CABIN1: variants seen among roughly 807,000 people sequenced by gnomAD.
CABIN1 encodes the protein calcineurin-binding protein cabin-1.
Under a neutral mutation model 227.7 loss-of-function variants are expected in CABIN1, and 133 were observed. That is an observed-to-expected ratio of 0.58 (90% CI 0.51 to 0.67). The LOEUF (loss-of-function observed/expected upper bound fraction) is 0.67. Ranked by LOEUF, CABIN1 falls within the 30% of genes least tolerant of loss-of-function variation. The pLI is 0.00. For missense variants in CABIN1, 2,408 were observed against 2,852.5 expected (o/e 0.84, Z 3.55); for synonymous variants, 1,086 against 1,155.1 (o/e 0.94, Z 1.21).
intron 24 of CABIN1, among the ~76,000 whole-genome samples, chr22:24,094,842 A>G (rs7511486): frequency 0.23 from 34,441 of 148,640 alleles, 5,096 homozygotes; most frequent in African/African-American, 0.4. Flanking sequence ...AAAAAAAAAA[A>G]AAAGAAACAA....
At position 24,156,287 on chromosome 22, in the gene CABIN1, C is replaced by T. The variant is rs575333634; in HGVS notation, c.4747-8113C>T. Among the ~76,000 whole-genome samples, 373 of 152,240 alleles carry T rather than the reference C, an allele frequency of 2.5e-3. 1 individual carries two copies. Among genetic ancestry groups the T allele is most frequent in the Non-Finnish European group, 3.8e-3 (260 of 67,994 alleles). On this transcript the variant is annotated intron_variant, in intron 29 of 36. Coordinates refer to ENST00000263119, the MANE Select transcript of CABIN1 (RefSeq NM_012295.4). ...CCGTGGGCTGTGGTTTCCCCGGCGC[C>T]CCCGCGGAGGAAATCGGCCGGCGGC...
At chr22:24,129,931 G>A (rs1251528209) in intron 28 of CABIN1, among the ~76,000 whole-genome samples, 1 of 152,222 alleles carries the variant, frequency 6.6e-6, no homozygotes, top group Non-Finnish European at 1.5e-5. Flanking sequence ...CCTGAGGCAG[G>A]TGCAGCCCAA....
At chr22:24,083,194 C>T (rs765981911) in intron 19 of CABIN1, 34 bp from the exon 20 acceptor site, 1 of 1,610,400 alleles carries the variant, frequency 6.2e-7, no homozygotes, top group Non-Finnish European at 8.5e-7. Flanking sequence ...GGCTACAGGC[C>T]CTCACCTCAG....
chr22:24,101,662 C>T (rs2042207805), intron 26 of CABIN1: 1 of 152,282 alleles, frequency 6.6e-6, no homozygotes, highest in Non-Finnish European at 1.5e-5. Context: ...CTAACTTCTG[C>T]CTTCCGTCAA....
chr22:24,066,538 C>A (rs1254738573), intron 15 of CABIN1, among the ~76,000 whole-genome samples: 1 of 152,202 alleles, frequency 6.6e-6, no homozygotes, highest in Non-Finnish European at 1.5e-5. Flanking sequence ...ATTTCAGGGA[C>A]AAGTACAAGT....
chr22:24,156,010 G>C, intron 29 of CABIN1: 1 of 573,594 alleles, frequency 1.7e-6, no homozygotes, highest in South Asian at 2.0e-5. Context: ...GAGCGAACGA[G>C]CCTCCGCGGC....
At position 24,167,165 on chromosome 22, in the gene CABIN1, G is replaced by T. The variant is rs770625706; in HGVS notation, c.5534G>T (p.Arg1845Leu). Residue 1845 changes from arginine to leucine, a missense_variant, in exon 32 of 37, where the codon CGC becomes CTC. Physicochemically the swap from Arg to Leu is moderately radical, Grantham distance 102 (BLOSUM62 -2). Coordinates refer to ENST00000263119, the MANE Select transcript of CABIN1 (RefSeq NM_012295.4). ...GAGGAGCCGCTCTCCCGGCTCAGCC[G>T]CAAGAGGAAGCTCCTGGAGGACACA... is the stretch of plus-strand genomic sequence containing the variant. ...HPEEPLSRLS[R>L]KRKLLEDTES... 8.7e-6 allele frequency: 14 copies of T among 1,608,528 alleles called. No individual in the cohort carries two copies. The highest frequency in any genetic ancestry group is 1.3e-5 in the African/African-American group (1 of 75,038).
chr22:24,044,997 G>T (rs1039251650), intron 6 of CABIN1, among the ~76,000 whole-genome samples: 1 of 148,690 alleles, frequency 6.7e-6, no homozygotes, highest in Non-Finnish European at 1.5e-5. Context: ...TCGGCTTATC[G>T]CAAGGTCCAC....
intron 4 of CABIN1, among the ~76,000 whole-genome samples, chr22:24,040,802 C>T (rs1418350502): frequency 1.3e-5 from 2 of 152,206 alleles, no homozygotes; most frequent in African/African-American, 2.4e-5. Flanking sequence ...TATCTTATAC[C>T]TGGAGCTGCT....
chr22:24,146,894 C>T (rs1480568104), intron 29 of CABIN1, among the ~76,000 whole-genome samples: 1 of 152,222 alleles, frequency 6.6e-6, no homozygotes, highest in East Asian at 1.9e-4. Flanking sequence ...AGAATCTCTG[C>T]AGACAGCGCA....
chr22:24,083,043 A>G (rs545709058), intron 19 of CABIN1, among the ~76,000 whole-genome samples, 185 bp from the exon 20 acceptor site: 52 of 152,338 alleles, frequency 3.4e-4, no homozygotes, highest in African/African-American at 1.2e-3. Flanking sequence ...AATTACTCCT[A>G]TTAGGATAAC....
chr22:24,178,030 G>A, intron 36 of CABIN1, 23 bp from the exon 37 acceptor site: 1 of 1,612,754 alleles, frequency 6.2e-7, no homozygotes, highest in South Asian at 1.1e-5. Flanking sequence ...CTTGACCAGT[G>A]CCCCGCCCGG....
intron 29 of CABIN1, among the ~76,000 whole-genome samples, chr22:24,135,161 C>T (rs1383336648): frequency 3.3e-5 from 5 of 151,924 alleles, no homozygotes; most frequent in African/African-American, 7.2e-5. Flanking sequence ...GAGGCCAAGG[C>T]GGGCAGATCA....
At chr22:24,128,296 C>T (rs1219614369) in intron 28 of CABIN1, among the ~76,000 whole-genome samples, 1 of 101,962 alleles carries the variant, frequency 9.8e-6, no homozygotes, top group Non-Finnish European at 2.0e-5. Context: ...ACAGGATTCT[C>T]GGGGCGGGGG....
intron 34 of CABIN1, among the ~76,000 whole-genome samples, chr22:24,172,294 T>G (rs1483753009): frequency 2.0e-5 from 3 of 152,174 alleles, no homozygotes. Flanking sequence ...TGCTACTGTT[T>G]CCTCCCCACA....
intron 23 of CABIN1, among the ~76,000 whole-genome samples, chr22:24,088,520 A>G (rs1442986636): frequency 6.6e-6 from 1 of 152,068 alleles, no homozygotes; most frequent in Non-Finnish European, 1.5e-5. Flanking sequence ...AGGCAGGAGA[A>G]TTGCTTGAAC....
chr22:24,024,840 G>C (rs1432952846), intron 1 of CABIN1, among the ~76,000 whole-genome samples: 1 of 151,870 alleles, frequency 6.6e-6, no homozygotes, highest in Non-Finnish European at 1.5e-5. Flanking sequence ...ATTTTTGTTT[G>C]ATTTCTTTTT....
intron 19 of CABIN1, among the ~76,000 whole-genome samples, chr22:24,077,445 A>AG (rs2040520874): frequency 6.6e-6 from 1 of 152,198 alleles, no homozygotes; most frequent in South Asian, 2.1e-4. Flanking sequence ...CAAGACACTT[A>AG]GGCTGAATAT....
At chr22:24,092,687 A>T (rs896751021) in intron 24 of CABIN1, among the ~76,000 whole-genome samples, 1 of 138,714 alleles carries the variant, frequency 7.2e-6, no homozygotes, top group South Asian at 2.6e-4. Flanking sequence ...TGATTATAAA[A>T]GTGTGTGTGT....
Sources: allele counts gnomAD v4.1 joint callset (sites outside exome capture counted in the v4.1 genomes callset), GRCh38; gene constraint gnomAD v4.1.1; transcripts MANE v1.5; gene names NCBI Gene and HGNC (gene_info 2026-07-23, HGNC 2026-07-21).